CFAP54: variants seen among roughly 807,000 people sequenced by gnomAD.
CFAP54 encodes the protein cilia and flagella associated protein 54, also known as cilia- and flagella-associated protein 54.
A neutral mutation model predicts 370.4 loss-of-function variants in CFAP54; 290 were observed. The ratio of observed to expected loss-of-function variants is 0.78; its 90% CI spans 0.71 to 0.86. CFAP54 has a LOEUF of 0.86. CFAP54 is among the 40% of genes least tolerant of loss of function. The probability of loss-of-function intolerance (pLI) is 0.00; values close to 1 mark genes in which losing one functional copy is unlikely to be tolerated. For synonymous variants in CFAP54, 1,206 were observed against 1,236.5 expected (o/e 0.98, Z 0.52); for missense variants, 3,399 against 3,528.7 (o/e 0.96, Z 0.93).
intron 67 of CFAP54, among the ~76,000 whole-genome samples, chr12:96,866,552 C>T (rs988236207): frequency 1.3e-5 from 2 of 152,238 alleles, no homozygotes; most frequent in Admixed American, 1.3e-4. Flanking sequence ...CAAGTACAAA[C>T]CACCCTGAAC....
chr12:96,502,481 G>C (rs1955041974), intron 2 of CFAP54, among the ~76,000 whole-genome samples: 2 of 149,454 alleles, frequency 1.3e-5, no homozygotes, highest in African/African-American at 4.9e-5. Flanking sequence ...TTTTATTTTA[G>C]TTGTAGTAAA....
intron 45 of CFAP54, among the ~76,000 whole-genome samples, chr12:96,694,428 T>C (rs1290054284): frequency 6.6e-6 from 1 of 152,096 alleles, no homozygotes; most frequent in African/African-American, 2.4e-5. Context: ...CCAACAAATA[T>C]GCTCCCAGTT....
In CFAP54 at chr12:96,533,837, C is replaced by T. The variant is rs566529415; in HGVS notation, c.1403C>T (p.Ser468Phe). The T allele has an allele frequency of 2.2e-5, 33 of 1,529,482 alleles. No individual in the cohort carries two copies. The African/African-American group carries it at 2.6e-4, about 12-fold the overall frequency. 94.7% of individuals were successfully genotyped at this position (1,529,482 alleles called of 1,614,324 possible). The change falls in exon 10 of 68, where the codon TCT becomes TTT. Residue 468 changes from serine to phenylalanine, a missense_variant. Ser to Phe is a radical substitution (Grantham distance 155, BLOSUM62 -2). Transcript: ENST00000524981. The stretch of plus-strand genomic sequence containing the variant: ...GGAATGCTTGATTTTCCAAAAACAT[C>T]TCTTCTGGAACTTATGATAGGAAGA... ...ADGMLDFPKT[S>F]LLELMIGRKD... is the part of the protein sequence containing the mutation.
At chr12:96,695,587 A>C (rs1017004314) in intron 45 of CFAP54, among the ~76,000 whole-genome samples, 3 of 152,200 alleles carry the variant, frequency 2.0e-5, no homozygotes, top group Non-Finnish European at 4.4e-5. Flanking sequence ...TACAAAAGAT[A>C]ATGTTCTCTT....
At chr12:96,545,076 A>G (rs1244615977) in intron 14 of CFAP54, among the ~76,000 whole-genome samples, 3 of 151,788 alleles carry the variant, frequency 2.0e-5, no homozygotes, top group Non-Finnish European at 4.4e-5. Context: ...CACACCCAGC[A>G]ATTTTTTTGT....
intron 32 of CFAP54, among the ~76,000 whole-genome samples, chr12:96,640,960 A>C (rs1038129725): frequency 6.6e-6 from 1 of 152,096 alleles, no homozygotes; most frequent in Non-Finnish European, 1.5e-5. Flanking sequence ...TTAGACCTAA[A>C]ACCATAAAAA....
intron 50 of CFAP54, among the ~76,000 whole-genome samples, chr12:96,729,803 C>G (rs957055763): frequency 1.3e-5 from 2 of 152,130 alleles, no homozygotes; most frequent in Non-Finnish European, 2.9e-5. Context: ...AGCTGTAGAC[C>G]GGAGCTGTTC....
At chr12:96,640,119 G>C (rs1163312763) in intron 32 of CFAP54, among the ~76,000 whole-genome samples, 1 of 151,800 alleles carries the variant, frequency 6.6e-6, no homozygotes, top group African/African-American at 2.4e-5. Context: ...TATTCAATTA[G>C]GAAAAGAGGA....
intron 66 of CFAP54, among the ~76,000 whole-genome samples, chr12:96,854,142 A>G (rs1316296696): frequency 6.6e-6 from 1 of 152,148 alleles, no homozygotes; most frequent in African/African-American, 2.4e-5. Context: ...TGCTAAAAGG[A>G]TTAAGTCAGA....
intron 58 of CFAP54, among the ~76,000 whole-genome samples, chr12:96,759,904 ATTC>A (rs1468774218): frequency 6.6e-6 from 1 of 152,208 alleles, no homozygotes; most frequent in Admixed American, 6.5e-5. Context: ...AAACGTCTTT[ATTC>A]TTCTTCCTAT....
intron 55 of CFAP54, among the ~76,000 whole-genome samples, chr12:96,751,214 T>C (rs961262513): frequency 1.4e-4 from 21 of 152,214 alleles, no homozygotes; most frequent in Non-Finnish European, 2.1e-4. Context: ...CTTATGTTTA[T>C]TCAATCAGCA....
In CFAP54 at chr12:96,580,480, A is replaced by G. The variant is rs1344473929; in HGVS notation, c.2797-117A>G. ...AGATTAAACCTAAGTATATTTGTAA[A>G]CTTGGATTTCATGTTTTAAAACCTG... On this transcript the variant is annotated intron_variant, in intron 20 of 67. Transcript: ENST00000524981. 14 of 558,040 alleles carry G rather than the reference A, an allele frequency of 2.5e-5. No homozygotes were observed. In the East Asian group the frequency reaches 3.5e-4, roughly 14 times the overall value. 34.6% of individuals were successfully genotyped at this position (558,040 alleles called of 1,614,324 possible).
intron 32 of CFAP54, among the ~76,000 whole-genome samples, chr12:96,641,371 C>T (rs1285298684): frequency 1.3e-5 from 2 of 152,188 alleles, no homozygotes; most frequent in East Asian, 1.9e-4. Context: ...ATCAAAACCA[C>T]AATGAGATAC....
intron 66 of CFAP54, among the ~76,000 whole-genome samples, chr12:96,830,309 T>A (rs901212834): frequency 2.6e-5 from 4 of 152,212 alleles, no homozygotes; most frequent in African/African-American, 9.6e-5. Context: ...AATTTTATAC[T>A]ACCACCAACA....
chr12:96,847,848 G>C (rs1447360180), intron 66 of CFAP54, among the ~76,000 whole-genome samples: 1 of 152,182 alleles, frequency 6.6e-6, no homozygotes, highest in African/African-American at 2.4e-5. Context: ...GGTACATTCT[G>C]CTCTAGAGCT....
At chr12:96,551,806 C>T (rs1955697581) in intron 15 of CFAP54, among the ~76,000 whole-genome samples, 2 of 152,156 alleles carry the variant, frequency 1.3e-5, no homozygotes, top group African/African-American at 4.8e-5. Flanking sequence ...AAATGCTATA[C>T]CTATGGTAAA....
chr12:96,661,234 T>C (rs1956991573), intron 38 of CFAP54, among the ~76,000 whole-genome samples: 1 of 152,182 alleles, frequency 6.6e-6, no homozygotes, highest in African/African-American at 2.4e-5. Context: ...GCCCCTATCC[T>C]GAAGCTACCT....
At chr12:96,625,447 A>G (rs955652385) in intron 28 of CFAP54, among the ~76,000 whole-genome samples, 1 of 152,220 alleles carries the variant, frequency 6.6e-6, no homozygotes, top group Admixed American at 6.5e-5. Flanking sequence ...AGCTGTTGAA[A>G]AAAAGAGAAT....
chr12:96,749,628 AACT>A (rs1958160609), intron 55 of CFAP54, among the ~76,000 whole-genome samples: 1 of 152,156 alleles, frequency 6.6e-6, no homozygotes, highest in African/African-American at 2.4e-5. Context: ...CTATAACTTG[AACT>A]ACTTTTACTT....
Sources: gnomAD v4.1 joint callset for allele counts (sites outside exome capture counted in the v4.1 genomes callset) on GRCh38, gnomAD v4.1.1 for gene constraint, MANE v1.5 for transcripts, NCBI Gene and HGNC (gene_info 2026-07-23, HGNC 2026-07-21) for gene names.